The following POU6F2 variants were observed in gnomAD, a reference collection of about 807,000 sequenced individuals.
POU6F2 encodes POU class 6 homeobox 2, also known as POU domain, class 6, transcription factor 2.
POU6F2 carries 31 observed loss-of-function variants against 71.3 expected under a neutral mutation model. That is an observed-to-expected ratio of 0.43 (90% CI 0.33 to 0.59). The LOEUF is 0.59. Ranked by LOEUF, POU6F2 falls within the 20% of genes least tolerant of loss-of-function variation. The probability of loss-of-function intolerance (pLI) is 0.04; values close to 1 mark genes in which losing one functional copy is unlikely to be tolerated. For synonymous variants in POU6F2, 347 were observed against 355.7 expected, an observed-to-expected ratio of 0.98 and a Z score of 0.27; for missense variants, 783 against 856.8, an observed-to-expected ratio of 0.91 and a Z score of 1.07.
At chr7:39,436,208 C>G (rs994897101) in intron 7 of POU6F2, among the ~76,000 whole-genome samples, 3 of 152,068 alleles carry the variant, frequency 2.0e-5, no homozygotes, top group African/African-American at 7.2e-5. Flanking sequence ...ATAAATTACT[C>G]TGGGCAGTAT....
At chr7:39,376,129 C>T (rs939244699) in intron 5 of POU6F2, among the ~76,000 whole-genome samples, 8 of 152,112 alleles carry the variant, frequency 5.3e-5, no homozygotes, top group African/African-American at 1.9e-4. Flanking sequence ...CAATAATTGT[C>T]CTCAACAATC....
At chr7:39,126,375 G>A (rs182897413) in intron 2 of POU6F2, among the ~76,000 whole-genome samples, 23 of 152,304 alleles carry the variant, frequency 1.5e-4, no homozygotes, top group African/African-American at 5.1e-4. Context: ...GCAAATTTCA[G>A]GTGTGGATTG....
At chr7:39,037,353 C>T (rs1790089163) in intron 1 of POU6F2, among the ~76,000 whole-genome samples, 1 of 151,860 alleles carries the variant, frequency 6.6e-6, no homozygotes. Context: ...ACTTATGCAA[C>T]CAGCATTTAC....
chr7:39,079,216 T>C (rs1011845102), intron 1 of POU6F2, among the ~76,000 whole-genome samples: 1 of 121,878 alleles, frequency 8.2e-6, no homozygotes, highest in Non-Finnish European at 1.6e-5. Flanking sequence ...CGAGACGGAG[T>C]CTCACCCTGT....
chr7:39,135,206 G>T (rs13231075), intron 2 of POU6F2, among the ~76,000 whole-genome samples: 38,278 of 152,044 alleles, frequency 0.25, 5,400 homozygotes, highest in East Asian at 0.55. Flanking sequence ...GCAGTTATGA[G>T]CATTGACTCA....
chr7:39,126,380 G>A (rs1219162851), intron 2 of POU6F2, among the ~76,000 whole-genome samples: 1 of 152,190 alleles, frequency 6.6e-6, no homozygotes, highest in Admixed American at 6.5e-5. Flanking sequence ...TTTCAGGTGT[G>A]GATTGGGAAG....
chr7:39,299,393 A>C (rs902381872), intron 4 of POU6F2, among the ~76,000 whole-genome samples: 2 of 152,118 alleles, frequency 1.3e-5, no homozygotes, highest in Admixed American at 6.5e-5. Flanking sequence ...GTTTGGGTCC[A>C]CTTAGAGAGG....
At chr7:39,076,545 AAGAAAATGGTTAGCTAAC>A (rs1399290425) in intron 1 of POU6F2, among the ~76,000 whole-genome samples, 8 of 152,328 alleles carry the variant, frequency 5.3e-5, no homozygotes, top group African/African-American at 1.9e-4. Flanking sequence ...GAAAAAGAAA[AAGAAAATGGTTAGCTAAC>A]AGACAAAGTA....
intron 1 of POU6F2, among the ~76,000 whole-genome samples, chr7:39,062,990 G>C (rs1314909279): frequency 6.6e-6 from 1 of 152,048 alleles, no homozygotes; most frequent in Non-Finnish European, 1.5e-5. Context: ...GCTTCAGTGA[G>C]CTTCTGGAAT....
At chr7:39,191,333 C>A (rs1225304752) in intron 2 of POU6F2, among the ~76,000 whole-genome samples, 12 of 152,086 alleles carry the variant, frequency 7.9e-5, no homozygotes, top group African/African-American at 2.7e-4. Flanking sequence ...TATTTTTAAA[C>A]TATTGGATAC....
intron 1 of POU6F2, among the ~76,000 whole-genome samples, chr7:39,007,646 AG>A (rs1789116984): frequency 6.6e-6 from 1 of 152,180 alleles, no homozygotes; most frequent in African/African-American, 2.4e-5. Context: ...ATCTAGCATT[AG>A]GTATATACCC....
intron 4 of POU6F2, among the ~76,000 whole-genome samples, chr7:39,253,267 C>T (rs190819020): frequency 7.2e-5 from 11 of 152,330 alleles, no homozygotes; most frequent in Admixed American, 6.5e-4. Flanking sequence ...GATGTATCTC[C>T]TGCCTTCTTT....
chr7:39,331,776 G>A (rs1260405962), intron 4 of POU6F2, among the ~76,000 whole-genome samples: 1 of 152,234 alleles, frequency 6.6e-6, no homozygotes, highest in African/African-American at 2.4e-5. Flanking sequence ...CTCCCAGAGT[G>A]TTGGGATTAC....
chr7:39,297,508 G>A (rs1003962444), intron 4 of POU6F2, among the ~76,000 whole-genome samples: 13 of 152,092 alleles, frequency 8.5e-5, no homozygotes, highest in Admixed American at 3.9e-4. Flanking sequence ...TAGGGAAACC[G>A]GAAATCTATT....
chr7:39,349,212 A>G (rs1236470892), intron 5 of POU6F2, among the ~76,000 whole-genome samples: 2 of 152,238 alleles, frequency 1.3e-5, no homozygotes, highest in Non-Finnish European at 2.9e-5. Context: ...TATGGTTCTG[A>G]TAATTGACAG....
intron 1 of POU6F2, among the ~76,000 whole-genome samples, chr7:39,010,868 A>T (rs1306965417): frequency 6.6e-6 from 1 of 151,460 alleles, no homozygotes; most frequent in African/African-American, 2.4e-5. Flanking sequence ...TGCTAGTTTG[A>T]TTGCACTGTG....
chr7:39,012,158 C>T lies in POU6F2; in HGVS notation c.105+34100C>T, dbSNP rs571872671. Among the ~76,000 whole-genome samples the T allele has an allele frequency of 5.8e-3, 885 of 151,812 alleles. 3 individuals are homozygous for T. The highest frequency in any genetic ancestry group is 8.5e-3 in the Non-Finnish European group (575 of 67,750). On this transcript the variant is annotated intron_variant, in intron 1 of 9. Coordinates refer to ENST00000518318, the MANE Select transcript of POU6F2 (RefSeq NM_001370959.1). ...CCATTCTCCCCATCACTTTCAGGTACACCAATCAGACGTAGATTTGGTCTT... is the reference window on the plus strand; with the variant it reads ...CCATTCTCCCCATCACTTTCAGGTATACCAATCAGACGTAGATTTGGTCTT...
intron 4 of POU6F2, among the ~76,000 whole-genome samples, chr7:39,293,911 C>T (rs1254684289): frequency 6.6e-6 from 1 of 151,906 alleles, no homozygotes; most frequent in East Asian, 1.9e-4. Flanking sequence ...GAGTGATCAG[C>T]GAAGACTGGA....
At chr7:39,342,338 T>C (rs1785935470) in intron 5 of POU6F2, among the ~76,000 whole-genome samples, 1 of 152,226 alleles carries the variant, frequency 6.6e-6, no homozygotes, top group African/African-American at 2.4e-5. Flanking sequence ...GTTTGAACTT[T>C]TTAAAAAGAA....
Sources: allele counts gnomAD v4.1 joint callset (sites outside exome capture counted in the v4.1 genomes callset), GRCh38; gene constraint gnomAD v4.1.1; transcripts MANE v1.5; gene names NCBI Gene and HGNC (gene_info 2026-07-23, HGNC 2026-07-21).